Variants in DCAF1 observed in about 807,000 individuals in gnomAD.
The protein encoded by DCAF1 is DDB1- and CUL4-associated factor 1.
Under a neutral mutation model 128.0 loss-of-function variants are expected in DCAF1, and 15 were observed. The ratio of observed to expected loss-of-function variants is 0.12; its 90% confidence interval spans 0.08 to 0.18. DCAF1 has a LOEUF of 0.18. DCAF1 is among the 10% of genes least tolerant of loss of function. The probability of loss-of-function intolerance (pLI) is 1.00; values close to 1 mark genes in which losing one functional copy is unlikely to be tolerated. For synonymous variants in DCAF1, 610 were observed against 603.0 expected, an observed-to-expected ratio of 1.01 and a Z score of -0.17; for missense variants, 988 against 1,649.5, an observed-to-expected ratio of 0.60 and a Z score of 6.95.
intron 8 of DCAF1, 141 bp downstream of exon 8, chr3:51,441,244 A>C: frequency 3.2e-6 from 4 of 1,241,094 alleles, no homozygotes; most frequent in South Asian, 3.1e-5. Context: ...AATGACCTGC[A>C]TAAGACTTGA....
chr3:51,492,316 C>T (rs1253644461), intron 2 of DCAF1, among the ~76,000 whole-genome samples: 1 of 151,878 alleles, frequency 6.6e-6, no homozygotes, highest in African/African-American at 2.4e-5. Context: ...GAGTTTGAGA[C>T]GAGTATGGCC....
In DCAF1 at chr3:51,419,189, C is replaced by T. The variant is rs552185793; in HGVS notation, c.3237-313G>A. Among the ~76,000 whole-genome samples, 207 of 152,086 alleles carry T rather than the reference C, an allele frequency of 1.4e-3. 2 individuals are homozygous for T. The highest frequency in any genetic ancestry group is 4.9e-3 in the African/African-American group (203 of 41,482). ...CAGCCTGGCCAACATGGTAAAACCC[C>T]ATCTCTACTAAAAATGCAAAAATTA... On this transcript the variant is annotated intron_variant, in intron 15 of 24. Coordinates refer to ENST00000684031, the MANE Select transcript of DCAF1 (RefSeq NM_001387579.1).
At position 51,483,786 on chromosome 3, in the gene DCAF1, T is replaced by C; in HGVS notation, c.43A>G (p.Thr15Ala). Residue 15 changes from threonine (T) to alanine (A), a missense_variant, in exon 3 of 25, where the codon ACT becomes GCT. Thr to Ala is a moderately conservative substitution (Grantham distance 58). This residue lies in a region of DCAF1 where 48 missense variants were observed against 52.6 expected (regional missense o/e 0.91). Transcript: ENST00000684031. ...VVHVDSKAEL[T>A]TLLEQWEKEH... Reference sequence around the variant, plus strand: ...TTTTCCCACTGCTCCAGCAGGGTAGTGAGCTCAGCTTTGGAGTCCACATGT... The same window carrying C: ...TTTTCCCACTGCTCCAGCAGGGTAGCGAGCTCAGCTTTGGAGTCCACATGT... The C allele has an allele frequency of 6.2e-7, 1 of 1,613,868 alleles. No homozygotes were observed. Among genetic ancestry groups the C allele is most frequent in the Non-Finnish European group, 8.5e-7 (1 of 1,179,850 alleles).
chr3:51,422,503 C>T, intron 13 of DCAF1, 72 bp from the exon 14 acceptor site: 3 of 707,540 alleles, frequency 4.2e-6, no homozygotes, highest in Non-Finnish European at 7.9e-6. Flanking sequence ...GAGAGAGAGA[C>T]ACACAGACAG....
chr3:51,433,580 G>C (rs949091619), intron 9 of DCAF1, among the ~76,000 whole-genome samples: 1,898 of 151,372 alleles, frequency 0.013, 34 homozygotes, highest in Non-Finnish European at 0.015. Context: ...TCCTGCCTCA[G>C]CCTCCCAAGC....
intron 3 of DCAF1, among the ~76,000 whole-genome samples, chr3:51,471,641 G>A (rs1267303211): frequency 1.3e-5 from 2 of 152,036 alleles, no homozygotes; most frequent in African/African-American, 4.8e-5. Flanking sequence ...GCCGAGGCAG[G>A]AGGATCACCT....
intron 3 of DCAF1, among the ~76,000 whole-genome samples, chr3:51,474,844 G>A (rs1705239999): frequency 1.3e-5 from 2 of 149,548 alleles, no homozygotes; most frequent in Middle Eastern, 3.2e-3. Context: ...GAGTACAGTG[G>A]CGCAATCTCA....
intron 24 of DCAF1, among the ~76,000 whole-genome samples, chr3:51,401,493 T>G (rs566883291): frequency 6.6e-6 from 1 of 152,234 alleles, no homozygotes; most frequent in Non-Finnish European, 1.5e-5. Context: ...AAGTCCACTC[T>G]GAGACGTCCT....
intron 2 of DCAF1, among the ~76,000 whole-genome samples, chr3:51,494,114 CTTTT>C (rs1285822599): frequency 7.3e-6 from 1 of 137,668 alleles, no homozygotes; most frequent in Non-Finnish European, 1.6e-5. Context: ...ATGAGGTTTC[CTTTT>C]TTTTTTTTTT....
Position 51,420,704 on chromosome 3 carries a change from C to A in DCAF1, c.2266G>T (p.Ala756Ser), listed in dbSNP as rs540172841. The change falls in exon 15 of 25, where the codon GCC (alanine) becomes TCC (serine). Residue 756 changes from alanine to serine, a missense_variant. Ala to Ser is a moderately conservative substitution (Grantham distance 99, BLOSUM62 1). Around this residue, in one of 11 missense-constraint regions of DCAF1, gnomAD observed 76 missense variants for 186.9 expected, o/e 0.41. Transcript: ENST00000684031. This position sits in a 1 kb window ranked among gnomAD's most constrained non-coding sequence, Gnocchi z 6.5. ...CCCACTAGGGCTTTGCAGGCCAGGG[C>A]CCGGATTTGGTCTGCATCTGTGATG... ...MPITDADQIR[A>S]LACKALVGLS... The A allele has an allele frequency of 3.8e-5, 61 of 1,613,870 alleles. No homozygotes were observed. The highest frequency in any genetic ancestry group is 5.3e-5 in the African/African-American group (4 of 74,904).
intron 9 of DCAF1, 61 bp downstream of exon 9, chr3:51,440,909 T>A: frequency 7.0e-7 from 1 of 1,432,758 alleles, no homozygotes; most frequent in Non-Finnish European, 9.6e-7. Context: ...CCATCTTAAA[T>A]TTAAAAAAAA....
chr3:51,478,680 G>A (rs1553651585), intron 3 of DCAF1, among the ~76,000 whole-genome samples: 1 of 151,578 alleles, frequency 6.6e-6, no homozygotes, highest in African/African-American at 2.4e-5. Context: ...ATTAAGACGG[G>A]GTCTTACTAT....
At chr3:51,498,240 G>C (rs1553662309) in intron 1 of DCAF1, among the ~76,000 whole-genome samples, 3 of 147,380 alleles carry the variant, frequency 2.0e-5, no homozygotes, top group East Asian at 4.0e-4. Context: ...CGTGCCTGTA[G>C]TCCCAGCTAC....
At chr3:51,445,145 T>A (rs1418697234) in intron 6 of DCAF1, among the ~76,000 whole-genome samples, 1 of 152,070 alleles carries the variant, frequency 6.6e-6, no homozygotes, top group Non-Finnish European at 1.5e-5. Flanking sequence ...TACATTAAAT[T>A]TTTTTTACCT....
chr3:51,414,584 A>G lies in DCAF1; in HGVS notation c.3837+40T>C, dbSNP rs782458097. 9 of 1,600,948 alleles carry G rather than the reference A, an allele frequency of 5.6e-6. No homozygotes were observed. The South Asian group carries it at 1.0e-4, about 18-fold the overall frequency. ...ACAAATTATTTCTGCACCACAAACC[A>G]GACAACAAATGGAAGGTAAGACATG... On this transcript the variant is annotated intron_variant, in intron 19 of 24. Transcript: ENST00000684031.
chr3:51,475,101 T>A (rs1553649984), intron 3 of DCAF1, among the ~76,000 whole-genome samples: 3 of 151,952 alleles, frequency 2.0e-5, no homozygotes, highest in Admixed American at 1.3e-4. Flanking sequence ...GGCTATTTTT[T>A]AAATTTTTTA....
At chr3:51,503,627 TA>T (rs1553664790), upstream of DCAF1, among the ~76,000 whole-genome samples, 2 of 152,068 alleles carry the variant, frequency 1.3e-5, no homozygotes. Flanking sequence ...AGCCACCAAT[TA>T]GAGGCTTAAG....
At chr3:51,467,200 C>T (rs955222797) in intron 4 of DCAF1, among the ~76,000 whole-genome samples, 5 of 151,906 alleles carry the variant, frequency 3.3e-5, no homozygotes, top group South Asian at 2.1e-4. Flanking sequence ...GGTGCAGTGG[C>T]GGGCGCCTGT....
At chr3:51,490,685 G>T (rs189909823) in intron 2 of DCAF1, among the ~76,000 whole-genome samples, 69 of 152,282 alleles carry the variant, frequency 4.5e-4, no homozygotes, top group Non-Finnish European at 7.9e-4. Flanking sequence ...AGCACTTTGG[G>T]AGGCCAAGAT....
Sources: allele counts gnomAD v4.1 joint callset (sites outside exome capture counted in the v4.1 genomes callset), GRCh38; gene constraint gnomAD v4.1.1; regional missense constraint gnomAD v4.1.1; non-coding constraint Gnocchi (gnomAD v3.1); transcripts MANE v1.5; gene names NCBI Gene and HGNC (gene_info 2026-07-23, HGNC 2026-07-21).